RASEF: variants seen among roughly 807,000 people sequenced by gnomAD.
RASEF encodes the protein ras and EF-hand domain-containing protein.
Under a neutral mutation model 90.1 loss-of-function variants are expected in RASEF, and 68 were observed. The observed-to-expected ratio is 0.75, with a 90% CI of 0.62 to 0.92. The LOEUF is 0.92. Ranked by LOEUF, RASEF falls within the 40% of genes least tolerant of loss-of-function variation. The pLI is 0.00. For missense variants in RASEF, 949 were observed against 937.2 expected (o/e 1.01, Z -0.16); for synonymous variants, 331 against 345.2 (o/e 0.96, Z 0.46).
At chr9:83,196,910 A>T in the RASEF span, among the ~76,000 whole-genome samples, 2 of 152,062 alleles carry the variant, frequency 1.3e-5, no homozygotes, top group Non-Finnish European at 2.9e-5. Context: ...TTTACCCAAC[A>T]CTTGGAACCA....
the RASEF span, among the ~76,000 whole-genome samples, chr9:83,078,923 T>A: frequency 6.6e-6 from 1 of 152,242 alleles, no homozygotes; most frequent in Admixed American, 6.5e-5. Context: ...GTAAATTTGA[T>A]AAGTTCCTTA....
chr9:83,218,368 A>G, the RASEF span, among the ~76,000 whole-genome samples: 13 of 152,116 alleles, frequency 8.5e-5, no homozygotes, highest in Non-Finnish European at 1.8e-4. Context: ...CTAACCCAGC[A>G]TATCAACCAG....
chr9:83,005,934 T>G (rs1219295563), intron 7 of RASEF, among the ~76,000 whole-genome samples: 1 of 152,218 alleles, frequency 6.6e-6, no homozygotes, highest in Non-Finnish European at 1.5e-5. Flanking sequence ...AGCCTGGCAC[T>G]GTTCCACCAG....
chr9:83,014,536 T>C (rs559258223), intron 4 of RASEF, among the ~76,000 whole-genome samples: 1 of 152,302 alleles, frequency 6.6e-6, no homozygotes, highest in East Asian at 1.9e-4. Flanking sequence ...CAGGCTGGTC[T>C]TGACCTCCTG....
the RASEF span, among the ~76,000 whole-genome samples, chr9:83,085,697 G>A: frequency 2.0e-5 from 3 of 152,008 alleles, no homozygotes; most frequent in Non-Finnish European, 4.4e-5. Flanking sequence ...AGGCCGAGGC[G>A]GTGAATCACC....
At chr9:83,037,193 A>G (rs781670240) in intron 1 of RASEF, among the ~76,000 whole-genome samples, 4 of 152,172 alleles carry the variant, frequency 2.6e-5, no homozygotes, top group Admixed American at 6.5e-5. Context: ...TTTATTACAG[A>G]TTATCTTGTA....
Position 83,017,486 on chromosome 9 carries a change from C to T in RASEF, c.670-1586G>A, listed in dbSNP as rs568177930. ...CAGCACTCCAGCCTGGGCGACAGAGCGAGACTCTGTCTCAAAAAAAAAAAG... is the reference window on the plus strand; with the variant it reads ...CAGCACTCCAGCCTGGGCGACAGAGTGAGACTCTGTCTCAAAAAAAAAAAG... On this transcript the variant is annotated intron_variant, in intron 3 of 16. Transcript: ENST00000376447. Among the ~76,000 whole-genome samples, 40 of 143,762 alleles carry T rather than the reference C, an allele frequency of 2.8e-4. No homozygotes were observed. In the South Asian group the frequency reaches 7.5e-3, roughly 27 times the overall value. 94.3% of individuals were successfully genotyped at this position (143,762 alleles called of 152,430 possible).
At chr9:83,086,052 T>C in the RASEF span, among the ~76,000 whole-genome samples, 1 of 152,238 alleles carries the variant, frequency 6.6e-6, no homozygotes, top group African/African-American at 2.4e-5. Flanking sequence ...CATTTCATTA[T>C]TTTTATCTTT....
At chr9:83,205,909 C>T in the RASEF span, among the ~76,000 whole-genome samples, 1 of 152,102 alleles carries the variant, frequency 6.6e-6, no homozygotes, top group African/African-American at 2.4e-5. Flanking sequence ...TATAGCTGGT[C>T]ATTCTGAATA....
chr9:83,015,628 C>A (rs539776815), intron 4 of RASEF, among the ~76,000 whole-genome samples, 177 bp downstream of exon 4: 1 of 152,278 alleles, frequency 6.6e-6, no homozygotes, highest in Admixed American at 6.5e-5. Context: ...TGCAGTGAGC[C>A]AAGATCTTGC....
intron 1 of RASEF, among the ~76,000 whole-genome samples, chr9:83,045,557 C>T (rs1829913006): frequency 1.3e-5 from 2 of 152,150 alleles, no homozygotes; most frequent in African/African-American, 4.8e-5. Flanking sequence ...GCTATAATCT[C>T]TTAGGAGAGA....
intron 1 of RASEF, chr9:83,055,535 G>C: frequency 1.4e-6 from 1 of 706,582 alleles, no homozygotes; most frequent in African/African-American, 1.9e-5. Flanking sequence ...GCTGTAGACC[G>C]GAGCTGTTCC....
the RASEF span, among the ~76,000 whole-genome samples, chr9:83,101,276 C>T: frequency 6.6e-6 from 1 of 152,194 alleles, no homozygotes; most frequent in Non-Finnish European, 1.5e-5. Flanking sequence ...TATAAATTTT[C>T]CAGGTTCCTG....
At chr9:83,182,883 A>G in the RASEF span, among the ~76,000 whole-genome samples, 1 of 152,184 alleles carries the variant, frequency 6.6e-6, no homozygotes. Flanking sequence ...ATGAAAAGGA[A>G]TGAACTACTA....
At chr9:83,069,050 A>C in the RASEF span, among the ~76,000 whole-genome samples, 2 of 148,204 alleles carry the variant, frequency 1.3e-5, no homozygotes, top group South Asian at 2.1e-4. Context: ...ACTGTAGAGA[A>C]GAAGTAATGT....
intron 1 of RASEF, among the ~76,000 whole-genome samples, chr9:83,038,549 A>G (rs1413305182): frequency 6.6e-6 from 1 of 152,204 alleles, no homozygotes; most frequent in Non-Finnish European, 1.5e-5. Context: ...CTGGCATTAG[A>G]GATAGATATA....
chr9:83,188,111 G>T, the RASEF span, among the ~76,000 whole-genome samples: 130 of 152,162 alleles, frequency 8.5e-4, no homozygotes, highest in Admixed American at 1.4e-3. Flanking sequence ...TTATACTTGT[G>T]CCTCCATTCA....
the RASEF span, among the ~76,000 whole-genome samples, chr9:83,148,561 C>G: frequency 2.6e-5 from 4 of 152,158 alleles, no homozygotes; most frequent in Admixed American, 6.5e-5. Context: ...TCAGAAGGAA[C>G]CAACCCTGCC....
the RASEF span, among the ~76,000 whole-genome samples, chr9:83,182,947 G>A: frequency 3.9e-5 from 6 of 152,166 alleles, no homozygotes; most frequent in East Asian, 7.7e-4. Flanking sequence ...CACGCCAAGC[G>A]AAAGAAGACA....
Sources: allele counts gnomAD v4.1 joint callset (sites outside exome capture counted in the v4.1 genomes callset), GRCh38; gene constraint gnomAD v4.1.1; transcripts MANE v1.5; gene names NCBI Gene and HGNC (gene_info 2026-07-23, HGNC 2026-07-21).